The following KCNQ3 variants were observed in gnomAD, a reference collection of about 807,000 sequenced individuals.
KCNQ3 encodes the protein potassium voltage-gated channel subfamily Q member 3.
KCNQ3 carries 30 observed loss-of-function variants against 92.5 expected under a neutral mutation model. The observed-to-expected ratio is 0.32, with a 90% CI of 0.24 to 0.44. KCNQ3 has a LOEUF of 0.44. Among genes scored for constraint, KCNQ3 ranks in the 20% least tolerant of loss-of-function variants. KCNQ3 has a pLI of 1.00. For synonymous variants in KCNQ3, 450 were observed against 468.8 expected (o/e 0.96, Z 0.52); for missense variants, 913 against 1,140.3 (o/e 0.80, Z 2.87).
At chr8:132,479,236 C>T (rs1388697381) in intron 1 of KCNQ3, among the ~76,000 whole-genome samples, 1 of 152,052 alleles carries the variant, frequency 6.6e-6, no homozygotes, top group Middle Eastern at 3.2e-3. Flanking sequence ...AGAGGGAGTT[C>T]CTTCTTCCTT....
chr8:132,247,663 C>T (rs1005324004), intron 1 of KCNQ3, among the ~76,000 whole-genome samples: 11 of 151,722 alleles, frequency 7.3e-5, no homozygotes, highest in Admixed American at 1.3e-4. Flanking sequence ...CCGGGCGTGG[C>T]GGTGGGAGCC....
intron 1 of KCNQ3, chr8:132,187,220 A>G (rs191312259): frequency 3.3e-5 from 15 of 455,996 alleles, no homozygotes; most frequent in Non-Finnish European, 6.6e-5. Context: ...GCTTTTGTTC[A>G]TTCATTCATT....
chr8:132,136,187 C>CAGAT (rs1308683310), intron 12 of KCNQ3, among the ~76,000 whole-genome samples: 2 of 142,350 alleles, frequency 1.4e-5, no homozygotes, highest in African/African-American at 5.3e-5. Context: ...TCCAAGCTGA[C>CAGAT]AGATAGCATC....
At chr8:132,292,564 C>T (rs1401316438) in intron 1 of KCNQ3, among the ~76,000 whole-genome samples, 1 of 152,006 alleles carries the variant, frequency 6.6e-6, no homozygotes, top group African/African-American at 2.4e-5. Context: ...GATGGAGAGA[C>T]AGCAGGATGG....
intron 9 of KCNQ3, among the ~76,000 whole-genome samples, chr8:132,148,321 C>T (rs193167509): frequency 3.3e-5 from 5 of 152,202 alleles, no homozygotes; most frequent in Admixed American, 1.3e-4. Context: ...CTGCAACCTC[C>T]GCCTCCTAGG....
intron 1 of KCNQ3, among the ~76,000 whole-genome samples, chr8:132,211,425 C>G (rs1304802955): frequency 6.6e-6 from 1 of 152,160 alleles, no homozygotes; most frequent in Non-Finnish European, 1.5e-5. Flanking sequence ...TCTCTCCTGT[C>G]TAGTAAAGTT....
intron 9 of KCNQ3, among the ~76,000 whole-genome samples, chr8:132,156,051 G>T (rs1482153101): frequency 6.6e-6 from 1 of 152,124 alleles, no homozygotes; most frequent in Non-Finnish European, 1.5e-5. Flanking sequence ...GACATTTGCA[G>T]CTGGTACTCC....
At chr8:132,131,482 T>C (rs1407864791) in intron 14 of KCNQ3, among the ~76,000 whole-genome samples, 2 of 152,114 alleles carry the variant, frequency 1.3e-5, no homozygotes, top group Admixed American at 1.3e-4. Flanking sequence ...TGCCTGGACA[T>C]TGAGAAAAGG....
chr8:132,458,443 T>G (rs1004931408), intron 1 of KCNQ3, among the ~76,000 whole-genome samples: 5 of 152,172 alleles, frequency 3.3e-5, no homozygotes, highest in Non-Finnish European at 5.9e-5. Context: ...TAGACTTTAT[T>G]TTTTAGAATA....
chr8:132,251,313 A>G (rs1171074567), intron 1 of KCNQ3, among the ~76,000 whole-genome samples: 2 of 152,188 alleles, frequency 1.3e-5, no homozygotes, highest in African/African-American at 4.8e-5. Flanking sequence ...AGCTGCCTTC[A>G]TTGAACTGCA....
intron 1 of KCNQ3, among the ~76,000 whole-genome samples, chr8:132,375,036 T>C (rs989634602): frequency 2.6e-5 from 4 of 152,180 alleles, no homozygotes; most frequent in African/African-American, 9.6e-5. Context: ...CCTCTGGGTA[T>C]ATACCCAGTA....
chr8:132,365,767 C>T (rs1182821431), intron 1 of KCNQ3, among the ~76,000 whole-genome samples: 2 of 152,188 alleles, frequency 1.3e-5, no homozygotes, highest in African/African-American at 4.8e-5. Flanking sequence ...CAGTGGCTCA[C>T]ACCTGTAATC....
At chr8:132,387,423 G>C (rs1406384823) in intron 1 of KCNQ3, among the ~76,000 whole-genome samples, 1 of 152,110 alleles carries the variant, frequency 6.6e-6, no homozygotes, top group Non-Finnish European at 1.5e-5. Context: ...AGAATTATTT[G>C]AAACCAATAG....
chr8:132,415,953 G>C (rs1820791158), intron 1 of KCNQ3, among the ~76,000 whole-genome samples: 1 of 152,178 alleles, frequency 6.6e-6, no homozygotes, highest in South Asian at 2.1e-4. Flanking sequence ...CCATCTGGTA[G>C]GCACCTCCCA....
chr8:132,214,247 G>C (rs549566345), intron 1 of KCNQ3, among the ~76,000 whole-genome samples: 1 of 152,100 alleles, frequency 6.6e-6, no homozygotes, highest in Non-Finnish European at 1.5e-5. Flanking sequence ...GATACAGACC[G>C]CAATTTATGC....
At chr8:132,396,925 G>A (rs753545948) in intron 1 of KCNQ3, among the ~76,000 whole-genome samples, 1 of 151,574 alleles carries the variant, frequency 6.6e-6, no homozygotes, top group African/African-American at 2.4e-5. Context: ...AATCAAAGGG[G>A]ATGGGATAAA....
At chr8:132,250,920 G>A (rs2130439743) in intron 1 of KCNQ3, among the ~76,000 whole-genome samples, 1 of 152,310 alleles carries the variant, frequency 6.6e-6, no homozygotes. Context: ...ACTCTCCCCA[G>A]TAGTCAAAGA....
intron 1 of KCNQ3, among the ~76,000 whole-genome samples, chr8:132,386,083 G>A (rs1054749155): frequency 6.6e-6 from 1 of 152,072 alleles, no homozygotes; most frequent in African/African-American, 2.4e-5. Context: ...TGCTTATGTG[G>A]TCTGAAAAAT....
At chr8:132,452,371 C>T (rs1027578349) in intron 1 of KCNQ3, among the ~76,000 whole-genome samples, 1 of 152,178 alleles carries the variant, frequency 6.6e-6, no homozygotes, top group Non-Finnish European at 1.5e-5. Context: ...TGCCTTATTT[C>T]ACTTAGCCTC....
Sources: gnomAD v4.1 joint callset for allele counts (sites outside exome capture counted in the v4.1 genomes callset) on GRCh38, gnomAD v4.1.1 for gene constraint, MANE v1.5 for transcripts, NCBI Gene and HGNC (gene_info 2026-07-23, HGNC 2026-07-21) for gene names.